Variants in HLCS observed in about 807,000 individuals in gnomAD.
HLCS encodes the protein biotin--protein ligase.
In HLCS, 53 loss-of-function variants were observed where a neutral mutation model predicts 75.0. The observed-to-expected ratio is 0.71, with a 90% confidence interval of 0.57 to 0.89. HLCS has a LOEUF of 0.89. Ranked by LOEUF, HLCS falls within the 40% of genes least tolerant of loss-of-function variation. HLCS has a pLI of 0.00. For synonymous variants in HLCS, 431 were observed against 428.6 expected, an observed-to-expected ratio of 1.01 and a Z score of -0.07; for missense variants, 966 against 1,074.0, an observed-to-expected ratio of 0.90 and a Z score of 1.41.
At chr21:36,888,479 TATATATA>T (rs2064618299) in intron 6 of HLCS, among the ~76,000 whole-genome samples, 4 of 127,554 alleles carry the variant, frequency 3.1e-5, no homozygotes, top group Non-Finnish European at 6.5e-5. Flanking sequence ...TATATATATA[TATATATA>T]TATATATATA....
rs1367918955 is a variant in HLCS, at chr21:36,877,151, G to A, written c.1892+19709C>T. Among the ~76,000 whole-genome samples, 4 of 152,114 alleles carry A rather than the reference G, an allele frequency of 2.6e-5. No individual in the cohort carries two copies. In the East Asian group the frequency reaches 5.8e-4, roughly 22 times the overall value. On this transcript the variant is annotated intron_variant, in intron 6 of 10. Transcript: ENST00000674895. Reference sequence around the variant, plus strand: ...TGTCTTTATAATTGAAGTGTGTCTTGAAGAGAACATATACTCAGGTCTTGC... The same window carrying A: ...TGTCTTTATAATTGAAGTGTGTCTTAAAGAGAACATATACTCAGGTCTTGC...
chr21:36,981,679 T>C (rs1312523317), intron 1 of HLCS, among the ~76,000 whole-genome samples: 2 of 152,180 alleles, frequency 1.3e-5, no homozygotes, highest in East Asian at 3.9e-4. Flanking sequence ...GGGTTACAGC[T>C]GTAAGCCACT....
At chr21:36,944,554 A>G (rs2067294721) in intron 2 of HLCS, among the ~76,000 whole-genome samples, 1 of 151,982 alleles carries the variant, frequency 6.6e-6, no homozygotes, top group Non-Finnish European at 1.5e-5. Context: ...CAAAACTAGT[A>G]AGGACAATTT....
intron 6 of HLCS, among the ~76,000 whole-genome samples, chr21:36,832,428 T>C (rs900901647): frequency 6.6e-6 from 1 of 151,980 alleles, no homozygotes; most frequent in African/African-American, 2.4e-5. Flanking sequence ...CAGTTAAGGG[T>C]TGGAAGGGAG....
At position 36,944,807 on chromosome 21, in the gene HLCS, T is replaced by C. The variant is rs151028126; in HGVS notation, c.331-5813A>G. ...TCTTCACGTAGTCACCAGGGTAATG[T>C]TATTATTCCTTTAAAAATGTTGCAC... On this transcript the variant is annotated intron_variant, in intron 2 of 10. Transcript: ENST00000674895. 4.8e-3 allele frequency among the ~76,000 whole-genome samples: 733 copies of C among 152,246 alleles called. 6 individuals are homozygous for C. The highest frequency in any genetic ancestry group is 0.016 in the African/African-American group (670 of 41,538).
Position 36,750,854 on chromosome 21 carries a change from C to T in HLCS, c.*3392G>A, listed in dbSNP as rs989012079. ...GAAAAGTCAAGTCAAGAAGTTTCCACAAAAGAAAAGAAAAATCCTAAAAAC... is the reference window on the plus strand; with the variant it reads ...GAAAAGTCAAGTCAAGAAGTTTCCATAAAAGAAAAGAAAAATCCTAAAAAC... On this transcript the variant is annotated 3_prime_UTR_variant, in exon 11 of 11. Transcript: ENST00000674895. 6.6e-6 allele frequency: 1 copy of T among 151,346 alleles called. No homozygotes were observed. The highest frequency in any genetic ancestry group is 2.4e-5 in the African/African-American group (1 of 41,122). The allele number at this position is 151,346 out of a possible 1,614,324, so 9.4% of individuals were successfully genotyped here.
At chr21:36,955,972 A>C (rs1396349265) in intron 2 of HLCS, among the ~76,000 whole-genome samples, 1 of 152,214 alleles carries the variant, frequency 6.6e-6, no homozygotes, top group Non-Finnish European at 1.5e-5. Flanking sequence ...GCCTAGGAGC[A>C]ATAGGCTACC....
At chr21:36,848,360 C>A (rs578087005) in intron 6 of HLCS, among the ~76,000 whole-genome samples, 311 of 151,470 alleles carry the variant, frequency 2.1e-3, no homozygotes, top group Non-Finnish European at 3.7e-3. Context: ...ACCTCTGCCT[C>A]CCGAGTTCAA....
chr21:36,958,650 G>A (rs968768788), intron 2 of HLCS, among the ~76,000 whole-genome samples: 7 of 152,116 alleles, frequency 4.6e-5, no homozygotes, highest in African/African-American at 7.2e-5. Flanking sequence ...TTAGCTGGGC[G>A]TGGCAGCGTG....
chr21:36,837,929 A>G (rs1006480733), intron 6 of HLCS, among the ~76,000 whole-genome samples: 2 of 152,220 alleles, frequency 1.3e-5, no homozygotes, highest in South Asian at 2.1e-4. Flanking sequence ...CCTGAAGCCA[A>G]TATCTGAATA....
chr21:36,796,465 C>T (rs2061028767), intron 6 of HLCS, among the ~76,000 whole-genome samples: 1 of 152,114 alleles, frequency 6.6e-6, no homozygotes, highest in South Asian at 2.1e-4. Flanking sequence ...CTCTAATTCC[C>T]AAAAGCATAT....
intron 6 of HLCS, among the ~76,000 whole-genome samples, chr21:36,791,855 C>T (rs56224528): frequency 0.094 from 14,229 of 152,140 alleles, 826 homozygotes; most frequent in African/African-American, 0.16. Flanking sequence ...GGCAAAAGCA[C>T]TCTTTGCAAA....
chr21:36,937,372 T>TG lies in HLCS; in HGVS notation c.513dup (p.Thr172HisfsTer6). 6.2e-7 allele frequency: 1 copy of TG among 1,613,748 alleles called. No homozygotes were observed. Among genetic ancestry groups the TG allele is most frequent in the Non-Finnish European group, 8.5e-7 (1 of 1,180,024 alleles). ...ACCTGATCCTTAACTTCCTTCAGAG[T>TG]GGAGTCCTGCAAGTGCACCGCTAAG... is the stretch of plus-strand genomic sequence containing the variant. On this transcript the variant is annotated frameshift_variant, in exon 4 of 11. Coordinates refer to ENST00000674895, the MANE Select transcript of HLCS (RefSeq NM_001352514.2). LOFTEE classifies it high-confidence loss of function.
intron 6 of HLCS, among the ~76,000 whole-genome samples, chr21:36,886,158 AC>A (rs2064447134): frequency 6.6e-6 from 1 of 151,846 alleles, no homozygotes; most frequent in South Asian, 2.1e-4. Flanking sequence ...TTGGCCAGGC[AC>A]CGTGGCTCAG....
chr21:36,770,476 T>C (rs972718439), intron 6 of HLCS, among the ~76,000 whole-genome samples: 7 of 152,170 alleles, frequency 4.6e-5, no homozygotes, highest in Admixed American at 6.5e-5. Context: ...ATTCCAAGTA[T>C]GTAAAATTCA....
At chr21:36,806,446 T>C (rs1212529194) in intron 6 of HLCS, among the ~76,000 whole-genome samples, 1 of 152,020 alleles carries the variant, frequency 6.6e-6, no homozygotes, top group Non-Finnish European at 1.5e-5. Context: ...TCTACAACTT[T>C]TGAAAGAAGC....
At chr21:36,958,755 C>T (rs796157052) in intron 2 of HLCS, among the ~76,000 whole-genome samples, 6 of 149,254 alleles carry the variant, frequency 4.0e-5, no homozygotes, top group Admixed American at 1.3e-4. Flanking sequence ...CACCACTGCA[C>T]TCCAGCCTGG....
intron 5 of HLCS, among the ~76,000 whole-genome samples, chr21:36,925,524 T>A (rs939674215): frequency 6.6e-6 from 1 of 152,154 alleles, no homozygotes; most frequent in East Asian, 1.9e-4. Context: ...GCACGTCCAG[T>A]TCCCCAAGGT....
chr21:36,874,296 G>A (rs7282396), intron 6 of HLCS, among the ~76,000 whole-genome samples: 231 of 152,232 alleles, frequency 1.5e-3, no homozygotes, highest in Middle Eastern at 3.4e-3. Flanking sequence ...CAGCTACTCG[G>A]GAGGCTGAGG....
Sources: gnomAD v4.1 joint callset for allele counts (sites outside exome capture counted in the v4.1 genomes callset) on GRCh38, gnomAD v4.1.1 for gene constraint, MANE v1.5 for transcripts, NCBI Gene and HGNC (gene_info 2026-07-23, HGNC 2026-07-21) for gene names.